Variants in CFAP46 observed in about 807,000 individuals in gnomAD.
The protein encoded by CFAP46 is cilia- and flagella-associated protein 46.
CFAP46 carries 245 observed loss-of-function variants against 325.7 expected under a neutral mutation model. That is an observed-to-expected ratio of 0.75 (90% confidence interval 0.68 to 0.84). The LOEUF (loss-of-function observed/expected upper bound fraction) is 0.84. CFAP46 is among the 40% of genes least tolerant of loss of function. CFAP46 has a pLI of 0.00. For synonymous variants in CFAP46, 1,523 were observed against 1,495.9 expected (o/e 1.02, Z -0.42); for missense variants, 3,346 against 3,543.0 (o/e 0.94, Z 1.41).
intron 8 of CFAP46, among the ~76,000 whole-genome samples, chr10:132,934,131 G>C (rs1282521496): frequency 6.6e-6 from 1 of 152,206 alleles, no homozygotes; most frequent in Non-Finnish European, 1.5e-5. Context: ...ATGGCCACCA[G>C]AAAACCAAAC....
chr10:132,900,058 T>C (rs959046169), intron 22 of CFAP46, among the ~76,000 whole-genome samples: 13 of 152,224 alleles, frequency 8.5e-5, no homozygotes, highest in African/African-American at 2.9e-4. Flanking sequence ...ACAGTAACCT[T>C]ATGAGCGACC....
intron 35 of CFAP46, among the ~76,000 whole-genome samples, chr10:132,861,952 G>A (rs558599585): frequency 2.4e-4 from 36 of 152,330 alleles, no homozygotes; most frequent in African/African-American, 8.7e-4. Context: ...GCATTTAGAT[G>A]CCCAGGACGA....
rs972619774 is a variant in CFAP46 at position 132,889,306 on chromosome 10, C to T, written c.3304+3027G>A. On this transcript the variant is annotated intron_variant, in intron 25 of 57. Transcript: ENST00000368586. The surrounding 1 kb of genome is among the most constrained non-coding windows in gnomAD (Gnocchi z 6.0). ...TTCATGAGACTGCATTCTCCAGAGC[C>T]GACCGGCTGGGTCTAGGGAGCAGAG... 3.3e-5 allele frequency among the ~76,000 whole-genome samples: 5 copies of T among 152,184 alleles called. No individual in the cohort carries two copies. Among genetic ancestry groups the T allele is most frequent in the Admixed American group, 2.0e-4 (3 of 15,280 alleles).
chr10:132,941,538 A>G, intron 3 of CFAP46, 53 bp downstream of exon 3: 1 of 1,581,918 alleles, frequency 6.3e-7, no homozygotes, highest in South Asian at 1.2e-5. Context: ...ATTGCTCTGG[A>G]GATGGGGTGA....
chr10:132,831,798 T>C (rs1591040888), intron 50 of CFAP46, among the ~76,000 whole-genome samples: 1 of 152,304 alleles, frequency 6.6e-6, no homozygotes, highest in East Asian at 1.9e-4. Flanking sequence ...CTATCTGTTC[T>C]CTGTTCCCTT....
Position 132,912,660 on chromosome 10 carries a change from C to T in CFAP46, c.2494G>A (p.Val832Met). The change falls in exon 19 of 58, where the codon GTG (valine) becomes ATG (methionine). Residue 832 changes from valine to methionine, a missense_variant. Transcript: ENST00000368586. ...CGGCATCATGGAGGTGGTACCTCCA[C>T]CGCTGTTTTGATCTCGGAAGTGGCT... is the stretch of plus-strand genomic sequence containing the variant. ...AGATSEIKTA[V>M]EVCEFALNLT... 1 of 1,547,278 alleles carries T rather than the reference C, an allele frequency of 6.5e-7. No homozygotes were observed.
chr10:132,922,602 G>GGC lies in CFAP46; in HGVS notation c.1361_1362dup (p.Leu455AlafsTer60). On this transcript the variant is annotated frameshift_variant, in exon 12 of 58. Transcript: ENST00000368586. LOFTEE classifies it high-confidence loss of function. ...TCCCGGTAGAGGCCCAGGCTGTCCA[G>GGC]GCGCGCGGCTTTCCGGAGGTGCTCC... is the stretch of plus-strand genomic sequence containing the variant. 1.3e-6 allele frequency: 2 copies of GGC among 1,549,336 alleles called. No individual in the cohort carries two copies. Among genetic ancestry groups the GGC allele is most frequent in the African/African-American group, 2.7e-5 (2 of 73,182 alleles).
Position 132,814,144 on chromosome 10 carries a change from A to G in CFAP46, c.7388+8T>C. 1 of 1,611,956 alleles carries G rather than the reference A, an allele frequency of 6.2e-7. No homozygotes were observed. Among genetic ancestry groups the G allele is most frequent in the Non-Finnish European group, 8.5e-7 (1 of 1,178,424 alleles). On this transcript the variant is annotated splice_region_variant and intron_variant, in intron 54 of 57. Transcript: ENST00000368586. ...CTGCAAACGGCTCCTGGGAGCCCAG[A>G]TCCGAACCTGGGAAAGTGCTTGCTT...
In CFAP46 at chr10:132,827,175, T is replaced by C. The variant is rs1848071345; in HGVS notation, c.7117+6183A>G. On this transcript the variant is annotated intron_variant, in intron 50 of 57. Transcript: ENST00000368586. This position sits in a 1 kb window ranked among gnomAD's most constrained non-coding sequence, Gnocchi z 5.7. ...GGGCCACTGAGCCACCCTCCTGCCATGCAGGGCAGACACAACCCCACACGG... is the reference window on the plus strand; with the variant it reads ...GGGCCACTGAGCCACCCTCCTGCCACGCAGGGCAGACACAACCCCACACGG... Among the ~76,000 whole-genome samples, 1 of 151,962 alleles carries C rather than the reference T, an allele frequency of 6.6e-6. No homozygotes were observed. Among genetic ancestry groups the C allele is most frequent in the Admixed American group, 6.5e-5 (1 of 15,268 alleles).
intron 37 of CFAP46, among the ~76,000 whole-genome samples, chr10:132,859,459 T>C (rs2135218676): frequency 6.6e-6 from 1 of 152,238 alleles, no homozygotes; most frequent in South Asian, 2.1e-4. Context: ...CCAGGCACTG[T>C]ATCCAGGTGG....
At chr10:132,814,110 C>T (rs1168382970) in intron 54 of CFAP46, 42 bp downstream of exon 54, 1 of 1,543,468 alleles carries the variant, frequency 6.5e-7, no homozygotes, top group South Asian at 1.1e-5. Flanking sequence ...GACCCCCAGA[C>T]CTGCCACACT....
In CFAP46 at chr10:132,828,907, T is replaced by A. The variant is rs1317174403; in HGVS notation, c.7117+4451A>T. 6.6e-6 allele frequency among the ~76,000 whole-genome samples: 1 copy of A among 152,092 alleles called. No homozygotes were observed. The highest frequency in any genetic ancestry group is 1.5e-5 in the Non-Finnish European group (1 of 68,018). On this transcript the variant is annotated intron_variant, in intron 50 of 57. Transcript: ENST00000368586. This position sits in a 1 kb window ranked among gnomAD's most constrained non-coding sequence, Gnocchi z 4.9. ...TGTGCACCTGTGGCGTGCTTCTGGT[T>A]CCCCGCCCCATCCCCTGGGTCTACA...
intron 28 of CFAP46, among the ~76,000 whole-genome samples, chr10:132,880,651 A>G (rs559991314): frequency 0.034 from 2,086 of 61,124 alleles, 72 homozygotes; most frequent in African/African-American, 0.14. Flanking sequence ...AGAGGACAGC[A>G]CTGAGACACG....
intron 25 of CFAP46, among the ~76,000 whole-genome samples, chr10:132,887,732 C>T (rs1201363732): frequency 9.1e-6 from 1 of 110,358 alleles, no homozygotes; most frequent in African/African-American, 3.8e-5. Context: ...TCTCTCCTCT[C>T]CCCTCTTCTC....
intron 50 of CFAP46, among the ~76,000 whole-genome samples, chr10:132,831,837 AT>A (rs1331656228): frequency 1.3e-5 from 2 of 151,892 alleles, no homozygotes; most frequent in African/African-American, 4.8e-5. Flanking sequence ...GATTAAGGGT[AT>A]GTTTATGATT....
At chr10:132,821,951 TTGTGTGTGC>T (rs1430710979) in intron 50 of CFAP46, among the ~76,000 whole-genome samples, 6 of 132,564 alleles carry the variant, frequency 4.5e-5, no homozygotes, top group Non-Finnish European at 7.9e-5. Flanking sequence ...GTGTGTGCGC[TTGTGTGTGC>T]TGTGTGTGCG....
Position 132,919,491 on chromosome 10 carries a change from T to C in CFAP46, c.1731-49A>G, listed in dbSNP as rs1849688371. ...GTGAAAGGTGAGTAGACAAGTGTGG[T>C]TGCTGAAGTTAGAAAACACCTGGGC... On this transcript the variant is annotated intron_variant, in intron 14 of 57. Transcript: ENST00000368586. This position sits in a 1 kb window ranked among gnomAD's most constrained non-coding sequence, Gnocchi z 9.7. 6.6e-7 allele frequency: 1 copy of C among 1,509,444 alleles called. No homozygotes were observed. Among genetic ancestry groups the C allele is most frequent in the Non-Finnish European group, 8.9e-7 (1 of 1,126,414 alleles). The allele number at this position is 1,509,444 out of a possible 1,614,324, so 93.5% of individuals were successfully genotyped here. A position where few individuals can be genotyped will look rare whatever the true frequency, so the allele number is the denominator to read the frequency against.
At chr10:132,898,781 C>T in intron 24 of CFAP46, 178 bp downstream of exon 24, 1 of 813,568 alleles carries the variant, frequency 1.2e-6, no homozygotes, top group Non-Finnish European at 2.1e-6. Flanking sequence ...CAGCAGGGGC[C>T]CCCGCAGTGC....
intron 57 of CFAP46, among the ~76,000 whole-genome samples, chr10:132,809,623 C>T (rs540792046): frequency 6.6e-6 from 1 of 152,180 alleles, no homozygotes; most frequent in African/African-American, 2.4e-5. Context: ...CAGACCACCC[C>T]CTCCGTGCAC....
Sources: allele counts gnomAD v4.1 joint callset (sites outside exome capture counted in the v4.1 genomes callset), GRCh38; gene constraint gnomAD v4.1.1; non-coding constraint Gnocchi (gnomAD v3.1); transcripts MANE v1.5; gene names NCBI Gene and HGNC (gene_info 2026-07-23, HGNC 2026-07-21).